Variants in MRPS11 observed in about 807,000 individuals in gnomAD.
The protein encoded by MRPS11 is mitochondrial ribosomal protein S11, also known as small ribosomal subunit protein uS11m.
In MRPS11, 27 loss-of-function variants were observed where a neutral mutation model predicts 24.3. The observed-to-expected ratio is 1.11, with a 90% confidence interval of 0.82 to 1.53. MRPS11 has a LOEUF of 1.53. MRPS11 is among the 40% of genes most tolerant of loss of function. The pLI is 0.00. For missense variants in MRPS11, 277 were observed against 256.5 expected, an observed-to-expected ratio of 1.08 and a Z score of -0.55; for synonymous variants, 104 against 98.7, an observed-to-expected ratio of 1.05 and a Z score of -0.32.
chr15:88,473,558 G>C (rs1186111223), intron 3 of MRPS11, among the ~76,000 whole-genome samples: 2 of 152,284 alleles, frequency 1.3e-5, no homozygotes, highest in African/African-American at 2.4e-5. Flanking sequence ...AAGGACATAG[G>C]CTAACTGCAT....
chr15:88,471,999 G>A (rs1216789602), intron 2 of MRPS11, among the ~76,000 whole-genome samples: 1 of 152,142 alleles, frequency 6.6e-6, no homozygotes, highest in African/African-American at 2.4e-5. Context: ...GCCTGTTTTT[G>A]TAAGTAAAGT....
In MRPS11 at chr15:88,477,011, TCCACATCC is replaced by T; in HGVS notation, c.435_442del (p.Ile145MetfsTer112). ...CAGAGAGCTAAACAAAAGGGCGTGA[TCCACATCC>T]GAGTTGTGGTGAAAGGCCTGGGGCC... On this transcript the variant is annotated frameshift_variant, in exon 5 of 6. Transcript: ENST00000325844. LOFTEE classifies it high-confidence loss of function. The surrounding 1 kb of genome is among the most constrained non-coding windows in gnomAD (Gnocchi z 5.7). 1.2e-6 allele frequency: 2 copies of T among 1,614,048 alleles called. No individual in the cohort carries two copies. Among genetic ancestry groups the T allele is most frequent in the Non-Finnish European group, 8.5e-7 (1 of 1,180,000 alleles).
At chr15:88,473,958 C>G (rs534720049) in intron 3 of MRPS11, among the ~76,000 whole-genome samples, 2 of 152,314 alleles carry the variant, frequency 1.3e-5, no homozygotes, top group East Asian at 1.9e-4. Flanking sequence ...GGGAGGATCA[C>G]TTGAGGCCAG....
intron 2 of MRPS11, chr15:88,468,287 C>T (rs151022118): frequency 3.1e-6 from 4 of 1,272,342 alleles, no homozygotes; most frequent in Non-Finnish European, 4.0e-6. Context: ...ATATCCATAA[C>T]ATGTATCAGC....
In MRPS11 at chr15:88,469,895, C is replaced by G. The variant is rs150684824; in HGVS notation, c.182+1871C>G. Among the ~76,000 whole-genome samples the G allele has an allele frequency of 7.5e-3, 1,141 of 152,238 alleles. 12 individuals are homozygous for G. Among genetic ancestry groups the G allele is most frequent in the African/African-American group, 0.025 (1,038 of 41,526 alleles). On this transcript the variant is annotated intron_variant, in intron 2 of 5. Coordinates refer to ENST00000325844, the MANE Select transcript of MRPS11 (RefSeq NM_022839.5). This position sits in a 1 kb window ranked among gnomAD's most constrained non-coding sequence, Gnocchi z 4.4. The stretch of plus-strand genomic sequence containing the variant: ...AAGGAAGACCCCAAATTTTGTTGGC[C>G]TAAACAACTGGAAAGACGGAGTTGT...
intron 2 of MRPS11, among the ~76,000 whole-genome samples, chr15:88,470,044 C>T (rs577712016): frequency 2.6e-5 from 4 of 152,200 alleles, no homozygotes; most frequent in African/African-American, 7.2e-5. Context: ...GGGCCGGGCG[C>T]GGTGGCTCAC....
Position 88,475,617 on chromosome 15 carries a change from C to G in MRPS11, c.411+378C>G, listed in dbSNP as rs2055805810. ...CCCAAGAGTTTGAGGCTGCAGTGAA[C>G]TATGATCTCACCACTGCACTAAAGC... is the stretch of plus-strand genomic sequence containing the variant. On this transcript the variant is annotated intron_variant, in intron 4 of 5. Transcript: ENST00000325844. The surrounding 1 kb of genome is among the most constrained non-coding windows in gnomAD (Gnocchi z 4.1). Among the ~76,000 whole-genome samples, 1 of 152,030 alleles carries G rather than the reference C, an allele frequency of 6.6e-6. No homozygotes were observed. Among genetic ancestry groups the G allele is most frequent in the Non-Finnish European group, 1.5e-5 (1 of 68,006 alleles).
intron 4 of MRPS11, 125 bp from the exon 5 acceptor site, chr15:88,476,864 C>A: frequency 4.4e-6 from 4 of 901,812 alleles, no homozygotes; most frequent in Non-Finnish European, 5.2e-6. Flanking sequence ...CCCTTTGCCT[C>A]CCTGTTTACT....
rs2055652813 is a variant in MRPS11 at position 88,469,923 on chromosome 15, T to C, written c.182+1899T>C. Reference sequence around the variant, plus strand: ...AACAACTGGAAAGACGGAGTTGTCATTGATTAAGATGGGGAAGACTGCAGG... The same window carrying C: ...AACAACTGGAAAGACGGAGTTGTCACTGATTAAGATGGGGAAGACTGCAGG... On this transcript the variant is annotated intron_variant, in intron 2 of 5. Coordinates refer to ENST00000325844, the MANE Select transcript of MRPS11 (RefSeq NM_022839.5). The surrounding 1 kb of genome is among the most constrained non-coding windows in gnomAD (Gnocchi z 4.4). Among the ~76,000 whole-genome samples the C allele has an allele frequency of 6.6e-6, 1 of 152,168 alleles. No homozygotes were observed. The highest frequency in any genetic ancestry group is 1.5e-5 in the Non-Finnish European group (1 of 68,026).
rs999349192 is a variant in MRPS11 at position 88,469,805 on chromosome 15, G to A, written c.182+1781G>A. 1.3e-5 allele frequency among the ~76,000 whole-genome samples: 2 copies of A among 152,204 alleles called. No individual in the cohort carries two copies. The highest frequency in any genetic ancestry group is 2.4e-5 in the African/African-American group (1 of 41,448). On this transcript the variant is annotated intron_variant, in intron 2 of 5. Transcript: ENST00000325844. This position sits in a 1 kb window ranked among gnomAD's most constrained non-coding sequence, Gnocchi z 4.4. Reference sequence around the variant, plus strand: ...TATTGCCATGGAGGTATTATGAATGGTCTGACATATTTTGAAGGTAGAACA... The same window carrying A: ...TATTGCCATGGAGGTATTATGAATGATCTGACATATTTTGAAGGTAGAACA...
rs755041968 is a variant in MRPS11 at position 88,469,310 on chromosome 15, G to A, written c.182+1286G>A. On this transcript the variant is annotated intron_variant, in intron 2 of 5. Coordinates refer to ENST00000325844, the MANE Select transcript of MRPS11 (RefSeq NM_022839.5). This position sits in a 1 kb window ranked among gnomAD's most constrained non-coding sequence, Gnocchi z 4.4. ...TCCCCACTGAAGGCAGTGAGGAGCTGCTGAAAGCATCTAAACCAAGATTCT... is the reference window on the plus strand; with the variant it reads ...TCCCCACTGAAGGCAGTGAGGAGCTACTGAAAGCATCTAAACCAAGATTCT... Among the ~76,000 whole-genome samples the A allele has an allele frequency of 2.6e-5, 4 of 152,222 alleles. No individual in the cohort carries two copies. Among genetic ancestry groups the A allele is most frequent in the Non-Finnish European group, 5.9e-5 (4 of 68,048 alleles).
At chr15:88,468,494 A>G (rs2055604769) in intron 2 of MRPS11, 1 of 994,884 alleles carries the variant, frequency 1.0e-6, no homozygotes. Context: ...TGTATGCTGT[A>G]TACACATCCA....
intron 2 of MRPS11, chr15:88,468,226 T>G (rs1307608002): frequency 7.0e-7 from 1 of 1,419,782 alleles, no homozygotes; most frequent in East Asian, 2.6e-5. Flanking sequence ...TGAGCCGTGG[T>G]ACAGAGTAAA....
In MRPS11 at chr15:88,471,057, G is replaced by GT. The variant is rs537766656; in HGVS notation, c.183-1569dup. 2.2e-4 allele frequency among the ~76,000 whole-genome samples: 34 copies of GT among 152,334 alleles called. 1 individual carries two copies. The East Asian group carries it at 6.6e-3, about 29-fold the overall frequency. ...TGTAACAGGAGAGAGCGCAAAGGCT[G>GT]TGGGCACAGATGTTCAGTAGTGGGA... On this transcript the variant is annotated intron_variant, in intron 2 of 5. Coordinates refer to ENST00000325844, the MANE Select transcript of MRPS11 (RefSeq NM_022839.5).
At chr15:88,468,378 C>G in intron 2 of MRPS11, 1 of 1,119,594 alleles carries the variant, frequency 8.9e-7, no homozygotes, top group Non-Finnish European at 1.1e-6. Flanking sequence ...GTAGAGGGCG[C>G]TAGCGATGGA....
chr15:88,472,635 C>G lies in MRPS11; in HGVS notation c.191C>G (p.Pro64Arg). The change falls in exon 3 of 6, where the codon CCT (proline) becomes CGT (arginine). Residue 64 changes from proline to arginine, a missense_variant. Transcript: ENST00000325844. ...CTTTCTTCTAATTGCAGCATTTACC[C>G]TCCCATTCCAGGAGAGGAGAGCTCT... ...APSHTKFSIYPPIPGEESSLR... is the reference protein window; with the variant it reads ...APSHTKFSIYRPIPGEESSLR... 6.2e-7 allele frequency: 1 copy of G among 1,613,104 alleles called. No individual in the cohort carries two copies. Among genetic ancestry groups the G allele is most frequent in the Non-Finnish European group, 8.5e-7 (1 of 1,179,210 alleles).
In MRPS11 at chr15:88,477,389, ATCCCGAACC is replaced by A. The variant is rs1462895172; in HGVS notation, c.477+337_477+345del. Among the ~76,000 whole-genome samples the A allele has an allele frequency of 2.6e-5, 4 of 152,202 alleles. No individual in the cohort carries two copies. Among genetic ancestry groups the A allele is most frequent in the African/African-American group, 9.7e-5 (4 of 41,440 alleles). On this transcript the variant is annotated intron_variant, in intron 5 of 5. Coordinates refer to ENST00000325844, the MANE Select transcript of MRPS11 (RefSeq NM_022839.5). The surrounding 1 kb of genome is among the most constrained non-coding windows in gnomAD (Gnocchi z 5.7). ...CAGATCGCTGGGAGCCCATCAGGGG[ATCCCGAACC>A]TAGCAGGGATAATCTTTCCTGATGA...
In MRPS11 at chr15:88,475,140, T is replaced by C. The variant is rs746797260; in HGVS notation, c.312T>C (p.Asn104=). 4 of 1,614,132 alleles carry C rather than the reference T, an allele frequency of 2.5e-6. No homozygotes were observed. In the African/African-American group the frequency reaches 4.0e-5, roughly 16 times the overall value. ...NTQIQVVSAS[N]EPLAFASCGT... is the part of the protein sequence containing the mutation. ...AGATCCAGGTAGTCTCTGCTAGTAATGAGCCCCTTGCCTTTGCTTCCTGTG... is the reference window on the plus strand; with the variant it reads ...AGATCCAGGTAGTCTCTGCTAGTAACGAGCCCCTTGCCTTTGCTTCCTGTG... The change falls in exon 4 of 6, where the codon AAT becomes AAC. Residue 104 remains asparagine (N), a synonymous_variant. Transcript: ENST00000325844. The surrounding 1 kb of genome is among the most constrained non-coding windows in gnomAD (Gnocchi z 4.1).
intron 3 of MRPS11, among the ~76,000 whole-genome samples, chr15:88,474,464 C>T (rs2055778522): frequency 1.3e-5 from 2 of 151,628 alleles, no homozygotes; most frequent in Admixed American, 1.3e-4. Context: ...AAGGCTGAGG[C>T]AGAAGAATCA....
Sources: allele counts gnomAD v4.1 joint callset (sites outside exome capture counted in the v4.1 genomes callset), GRCh38; gene constraint gnomAD v4.1.1; non-coding constraint Gnocchi (gnomAD v3.1); transcripts MANE v1.5; gene names NCBI Gene and HGNC (gene_info 2026-07-23, HGNC 2026-07-21).